Variants in KALRN observed in about 807,000 individuals in gnomAD.
KALRN encodes the protein kalirin.
In KALRN, 70 loss-of-function variants were observed where a neutral mutation model predicts 353.7. The observed-to-expected ratio is 0.20, with a 90% confidence interval of 0.16 to 0.24. The LOEUF (loss-of-function observed/expected upper bound fraction) is 0.24. Ranked by LOEUF, KALRN falls within the 10% of genes least tolerant of loss-of-function variation. KALRN has a pLI of 1.00. For synonymous variants in KALRN, 1,391 were observed against 1,434.8 expected (o/e 0.97, Z 0.69); for missense variants, 2,791 against 3,756.7 (o/e 0.74, Z 6.72).
chr3:124,446,295 T>C lies in KALRN; in HGVS notation c.3429+19T>C, dbSNP rs755211580. ...TAAGCAGGTTGTCCAAAGCTTTCCC[T>C]GGCACTATCTCAGTTCTGGGGAGCA... On this transcript the variant is annotated intron_variant, in intron 20 of 59. Coordinates refer to ENST00000682506, the MANE Select transcript of KALRN (RefSeq NM_001388419.1). 2 of 1,562,174 alleles carry C rather than the reference T, an allele frequency of 1.3e-6. No homozygotes were observed. The highest frequency in any genetic ancestry group is 1.8e-6 in the Non-Finnish European group (2 of 1,134,836).
intron 1 of KALRN, among the ~76,000 whole-genome samples, chr3:124,226,771 G>A (rs1306450048): frequency 1.3e-5 from 2 of 152,092 alleles, no homozygotes; most frequent in Admixed American, 1.3e-4. Context: ...AGGATTGAGT[G>A]GGATTGTCCT....
chr3:124,458,709 C>T (rs912977199), intron 23 of KALRN, among the ~76,000 whole-genome samples: 1 of 152,076 alleles, frequency 6.6e-6, no homozygotes, highest in African/African-American at 2.4e-5. Context: ...GGGCAGATCA[C>T]CTTGAAGCCA....
intron 1 of KALRN, among the ~76,000 whole-genome samples, chr3:124,040,572 A>G (rs1049763871): frequency 6.6e-6 from 1 of 152,218 alleles, no homozygotes; most frequent in Non-Finnish European, 1.5e-5. Context: ...TAATGCTGAG[A>G]TGGAGAAACG....
At chr3:124,465,845 A>G (rs2060280554) in intron 25 of KALRN, among the ~76,000 whole-genome samples, 1 of 152,174 alleles carries the variant, frequency 6.6e-6, no homozygotes, top group African/African-American at 2.4e-5. Flanking sequence ...ATATTGGGAG[A>G]TTGAGAGATT....
intron 10 of KALRN, among the ~76,000 whole-genome samples, chr3:124,370,013 A>G (rs571694593): frequency 6.8e-4 from 103 of 152,266 alleles, no homozygotes; most frequent in Non-Finnish European, 9.6e-4. Context: ...TCCATTGTCT[A>G]TATATGACAG....
intron 33 of KALRN, among the ~76,000 whole-genome samples, chr3:124,544,588 C>G (rs908997913): frequency 6.6e-6 from 1 of 151,890 alleles, no homozygotes; most frequent in African/African-American, 2.4e-5. Flanking sequence ...ATCGATACAT[C>G]TATATCGATA....
intron 5 of KALRN, among the ~76,000 whole-genome samples, chr3:124,280,017 A>G (rs573247961): frequency 1.3e-5 from 2 of 152,192 alleles, no homozygotes. Context: ...GTCTGTGTTC[A>G]TGCCATGTGG....
intron 10 of KALRN, among the ~76,000 whole-genome samples, chr3:124,357,593 A>G (rs1269295763): frequency 6.6e-6 from 1 of 152,078 alleles, no homozygotes; most frequent in African/African-American, 2.4e-5. Context: ...TCACTCCTTT[A>G]ACTGACCAGC....
At chr3:124,653,472 A>G (rs191205782) in intron 38 of KALRN, among the ~76,000 whole-genome samples, 1 of 152,370 alleles carries the variant, frequency 6.6e-6, no homozygotes, top group East Asian at 1.9e-4. Flanking sequence ...ATCAGACAAT[A>G]AACAAAATAA....
At chr3:124,178,470 A>G (rs1353167979) in intron 1 of KALRN, among the ~76,000 whole-genome samples, 1 of 152,226 alleles carries the variant, frequency 6.6e-6, no homozygotes, top group Non-Finnish European at 1.5e-5. Flanking sequence ...ACAAATCTAG[A>G]TGGTACAGAC....
intron 38 of KALRN, among the ~76,000 whole-genome samples, chr3:124,653,378 T>A (rs2083632085): frequency 6.6e-6 from 1 of 152,180 alleles, no homozygotes; most frequent in Admixed American, 6.5e-5. Flanking sequence ...GTATGTACCA[T>A]CAGTGGGATA....
chr3:124,492,636 G>C, intron 31 of KALRN, 104 bp from the exon 32 acceptor site: 1 of 1,225,210 alleles, frequency 8.2e-7, no homozygotes, highest in Non-Finnish European at 1.1e-6. Flanking sequence ...CAGACATTTG[G>C]AATCCTTGAA....
At chr3:124,109,607 G>A (rs1466005568) in intron 1 of KALRN, among the ~76,000 whole-genome samples, 2 of 150,440 alleles carry the variant, frequency 1.3e-5, no homozygotes, top group African/African-American at 4.9e-5. Flanking sequence ...TTTTTTTCCT[G>A]GCTTTATTGA....
intron 33 of KALRN, chr3:124,504,710 A>C (rs964445713): frequency 2.6e-6 from 1 of 389,658 alleles, no homozygotes; most frequent in Non-Finnish European, 5.3e-6. Flanking sequence ...CCTCTCAAGC[A>C]AATTCTGGTT....
intron 1 of KALRN, among the ~76,000 whole-genome samples, chr3:124,227,201 T>A (rs2078609791): frequency 6.6e-6 from 1 of 152,154 alleles, no homozygotes; most frequent in East Asian, 1.9e-4. Context: ...AGATTCTGCC[T>A]CCAGCCCCCT....
At chr3:124,180,989 G>A (rs2073490544) in intron 1 of KALRN, among the ~76,000 whole-genome samples, 1 of 150,586 alleles carries the variant, frequency 6.6e-6, no homozygotes, top group African/African-American at 2.5e-5. Flanking sequence ...CTAGCCCTTC[G>A]GGAGGCTGAG....
At chr3:124,281,582 C>G (rs1269539022) in intron 5 of KALRN, among the ~76,000 whole-genome samples, 1 of 152,228 alleles carries the variant, frequency 6.6e-6, no homozygotes, top group East Asian at 1.9e-4. Flanking sequence ...CCTATTAAAA[C>G]CCTCCCCCAG....
chr3:124,236,880 T>C (rs2079841873), intron 3 of KALRN, among the ~76,000 whole-genome samples: 1 of 152,252 alleles, frequency 6.6e-6, no homozygotes, highest in Admixed American at 6.5e-5. Flanking sequence ...TCTGCACTCC[T>C]GAGAACTGGA....
At chr3:124,706,859 C>T (rs1031983198) in intron 57 of KALRN, among the ~76,000 whole-genome samples, 3 of 151,910 alleles carry the variant, frequency 2.0e-5, no homozygotes, top group African/African-American at 4.8e-5. Context: ...TGTGAGCCAC[C>T]GTGCCCTGCC....
Sources: allele counts gnomAD v4.1 joint callset (sites outside exome capture counted in the v4.1 genomes callset), GRCh38; gene constraint gnomAD v4.1.1; transcripts MANE v1.5; gene names NCBI Gene and HGNC (gene_info 2026-07-23, HGNC 2026-07-21).